Variants in TCF12 observed in about 807,000 individuals in gnomAD.
TCF12 encodes the protein transcription factor 12.
TCF12 carries 45 observed loss-of-function variants against 86.0 expected under a neutral mutation model. The ratio of observed to expected loss-of-function variants is 0.52; its 90% confidence interval spans 0.41 to 0.67. The LOEUF (loss-of-function observed/expected upper bound fraction) is 0.67, where lower values mean the gene tolerates loss of function less well. Ranked by LOEUF, TCF12 falls within the 30% of genes least tolerant of loss-of-function variation. The pLI is 0.00. For missense variants in TCF12, 881 were observed against 859.9 expected, an observed-to-expected ratio of 1.02 and a Z score of -0.31; for synonymous variants, 330 against 299.6, an observed-to-expected ratio of 1.10 and a Z score of -1.05.
At chr15:57,193,754 G>C (rs1265889474) in intron 7 of TCF12, among the ~76,000 whole-genome samples, 1 of 152,128 alleles carries the variant, frequency 6.6e-6, no homozygotes, top group Non-Finnish European at 1.5e-5. Flanking sequence ...TCTGGGTCTA[G>C]GGTTTGCTTG....
chr15:57,218,262 C>T (rs576338703), intron 8 of TCF12, among the ~76,000 whole-genome samples: 3 of 152,138 alleles, frequency 2.0e-5, no homozygotes, highest in East Asian at 3.9e-4. Context: ...AATACAATCC[C>T]GTTAGAACCT....
intron 13 of TCF12, among the ~76,000 whole-genome samples, chr15:57,245,652 T>C (rs565521491): frequency 6.6e-6 from 1 of 152,222 alleles, no homozygotes; most frequent in Non-Finnish European, 1.5e-5. Flanking sequence ...AATCCAAGAT[T>C]TAGACATTTT....
At chr15:57,109,725 G>T (rs1386929677) in intron 5 of TCF12, among the ~76,000 whole-genome samples, 3 of 152,086 alleles carry the variant, frequency 2.0e-5, no homozygotes, top group Non-Finnish European at 2.9e-5. Flanking sequence ...AGCTTAATTT[G>T]CCTTTCTACA....
intron 3 of TCF12, among the ~76,000 whole-genome samples, chr15:57,043,117 C>T (rs150489894): frequency 7.9e-5 from 12 of 152,178 alleles, no homozygotes; most frequent in East Asian, 3.9e-4. Context: ...TTTTATTGCA[C>T]GTGTGTACCA....
chr15:57,193,352 G>A (rs1359579488), intron 7 of TCF12, among the ~76,000 whole-genome samples: 1 of 152,180 alleles, frequency 6.6e-6, no homozygotes, highest in East Asian at 1.9e-4. Flanking sequence ...CCCCTATCTA[G>A]TTCTGAAACG....
chr15:56,930,984 G>C (rs1011485309), intron 3 of TCF12, among the ~76,000 whole-genome samples: 12 of 152,002 alleles, frequency 7.9e-5, no homozygotes, highest in Non-Finnish European at 1.5e-4. Flanking sequence ...CTGAAAAACT[G>C]AGTTCTAAAA....
intron 3 of TCF12, among the ~76,000 whole-genome samples, chr15:56,958,672 AGAGAGAGTGT>A (rs1349621503): frequency 3.0e-5 from 2 of 65,732 alleles, no homozygotes; most frequent in African/African-American, 9.9e-5. Context: ...AGAGAGAGAG[AGAGAGAGTGT>A]GTGTGTGTGT....
At chr15:56,975,675 A>G (rs1298666864) in intron 3 of TCF12, among the ~76,000 whole-genome samples, 1 of 151,982 alleles carries the variant, frequency 6.6e-6, no homozygotes, top group Non-Finnish European at 1.5e-5. Context: ...CTGCTATTTA[A>G]TGTGAGGCAC....
At chr15:57,168,950 G>T (rs1484768346) in intron 6 of TCF12, among the ~76,000 whole-genome samples, 1 of 152,136 alleles carries the variant, frequency 6.6e-6, no homozygotes, top group African/African-American at 2.4e-5. Flanking sequence ...GGAAGCTGAG[G>T]CAGGAGAATC....
chr15:56,990,688 G>A (rs1246705087), intron 3 of TCF12, among the ~76,000 whole-genome samples: 3 of 152,080 alleles, frequency 2.0e-5, no homozygotes, highest in Non-Finnish European at 4.4e-5. Flanking sequence ...AGCCCAATGT[G>A]TTCTTGGGTT....
At chr15:56,918,102 G>T (rs1323738984), upstream of TCF12, 1 of 424,500 alleles carries the variant, frequency 2.4e-6, no homozygotes, top group East Asian at 7.4e-5. Context: ...AACGGCCGAG[G>T]AGGATGGGTC....
In TCF12 at chr15:56,928,135, A is replaced by C. The variant is rs1344338492; in HGVS notation, c.148+7037A>C. The stretch of plus-strand genomic sequence containing the variant: ...GATTGGAATCGATGACTTGCAGCTT[A>C]CTAGCTGGATGGCCTTAGGTGAGAT... On this transcript the variant is annotated intron_variant, in intron 3 of 20. Coordinates refer to ENST00000333725, the MANE Select transcript of TCF12 (RefSeq NM_207037.2). Among the ~76,000 whole-genome samples, 3 of 152,206 alleles carry C rather than the reference A, an allele frequency of 2.0e-5. No homozygotes were observed. The East Asian group carries it at 5.8e-4, about 29-fold the overall frequency.
At chr15:57,276,148 A>ATCAAAAGTTCTCTCTTT (rs1477754462) in intron 19 of TCF12, among the ~76,000 whole-genome samples, 6 of 152,236 alleles carry the variant, frequency 3.9e-5, no homozygotes, top group African/African-American at 1.4e-4. Flanking sequence ...TAATTTAGTG[A>ATCAAAAGTTCTCTCTTT]TGAGAGAACT....
chr15:57,198,505 A>G (rs1223699447), intron 8 of TCF12, among the ~76,000 whole-genome samples: 2 of 152,192 alleles, frequency 1.3e-5, no homozygotes, highest in Non-Finnish European at 2.9e-5. Context: ...AATGGCCATG[A>G]TAATCTAATA....
intron 5 of TCF12, among the ~76,000 whole-genome samples, chr15:57,114,133 T>G (rs1176630131): frequency 6.6e-6 from 1 of 152,190 alleles, no homozygotes; most frequent in African/African-American, 2.4e-5. Context: ...GAAAACTTGT[T>G]TATCTCACTA....
At chr15:57,138,543 T>G (rs2052722241) in intron 5 of TCF12, among the ~76,000 whole-genome samples, 1 of 576 alleles carries the variant, frequency 1.7e-3, no homozygotes. Flanking sequence ...GTTTCCTATC[T>G]AACCGAAAGG....
chr15:57,137,170 G>A (rs924638125), intron 5 of TCF12, among the ~76,000 whole-genome samples: 4 of 151,756 alleles, frequency 2.6e-5, no homozygotes, highest in Admixed American at 6.6e-5. Flanking sequence ...TAGTAGAGAC[G>A]CGGTTTCACC....
At chr15:57,050,210 A>T (rs1411168751) in intron 3 of TCF12, among the ~76,000 whole-genome samples, 4 of 152,188 alleles carry the variant, frequency 2.6e-5, no homozygotes, top group African/African-American at 9.6e-5. Context: ...AAAATAGAGG[A>T]TAAATCATCT....
chr15:56,987,335 G>A (rs1219744881), intron 3 of TCF12, among the ~76,000 whole-genome samples: 2 of 152,012 alleles, frequency 1.3e-5, no homozygotes, highest in African/African-American at 2.4e-5. Flanking sequence ...GGCTGGTTTC[G>A]AACTTCTGAC....
Sources: gnomAD v4.1 joint callset for allele counts (sites outside exome capture counted in the v4.1 genomes callset) on GRCh38, gnomAD v4.1.1 for gene constraint, MANE v1.5 for transcripts, NCBI Gene and HGNC (gene_info 2026-07-23, HGNC 2026-07-21) for gene names.